The following DMD variants were observed in gnomAD, a reference collection of about 807,000 sequenced individuals.
The protein encoded by DMD is dystrophin.
A neutral mutation model predicts 330.1 loss-of-function variants in DMD; 63 were observed. That is an observed-to-expected ratio of 0.19 (90% confidence interval 0.16 to 0.24). DMD has a LOEUF of 0.24. Among genes scored for constraint, DMD ranks in the 10% least tolerant of loss-of-function variants. The pLI, the probability that DMD is intolerant of heterozygous loss-of-function variation, is 1.00. For synonymous variants in DMD, 1,223 were observed against 959.8 expected (o/e 1.27, Z -5.07); for missense variants, 3,344 against 2,684.1 (o/e 1.25, Z -5.43).
At chrX:32,557,201 A>C in intron 16 of DMD, among the ~76,000 whole-genome samples, 1 of 111,542 alleles carries the variant, frequency 9.0e-6, no homozygotes, top group Non-Finnish European at 1.9e-5. Flanking sequence ...ATATAAATCC[A>C]AGTCTGAATG....
chrX:32,397,167 C>T (rs746940869), intron 30 of DMD, among the ~76,000 whole-genome samples: 4 of 111,492 alleles, frequency 3.6e-5, no homozygotes, highest in Non-Finnish European at 7.6e-5. Flanking sequence ...TACTTGTCTA[C>T]TAGATTTCTA....
At chrX:33,039,726 G>T (rs760942377) in intron 1 of DMD, among the ~76,000 whole-genome samples, 1 of 111,080 alleles carries the variant, frequency 9.0e-6, no homozygotes, top group Non-Finnish European at 1.9e-5. Context: ...TAACTGTAAT[G>T]ATTAACATGT....
intron 23 of DMD, among the ~76,000 whole-genome samples, chrX:32,466,079 TTAAG>T (rs1192153779): frequency 9.0e-6 from 1 of 111,569 alleles, no homozygotes; most frequent in Non-Finnish European, 1.9e-5. Flanking sequence ...TTTTTTCTTA[TTAAG>T]TTTTTATTGT....
At chrX:32,531,050 G>A (rs948791498) in intron 17 of DMD, among the ~76,000 whole-genome samples, 10 of 111,480 alleles carry the variant, frequency 9.0e-5, no homozygotes, top group South Asian at 3.7e-4. Flanking sequence ...GGCTTCTTTC[G>A]TTTTCTTATC....
At chrX:32,361,562 G>GT (rs2097834754) in intron 37 of DMD, among the ~76,000 whole-genome samples, 1 of 111,507 alleles carries the variant, frequency 9.0e-6, no homozygotes. Flanking sequence ...ATTTTGAAGG[G>GT]TAACTGTGTC....
At chrX:31,735,553 G>A (rs970105586) in intron 51 of DMD, among the ~76,000 whole-genome samples, 1 of 112,174 alleles carries the variant, frequency 8.9e-6, no homozygotes, top group East Asian at 2.8e-4. Context: ...TGCAATTCAA[G>A]TAAATATGTA....
At chrX:31,722,817 G>C (rs938013727) in intron 52 of DMD, among the ~76,000 whole-genome samples, 1 of 110,193 alleles carries the variant, frequency 9.1e-6, no homozygotes, top group Non-Finnish European at 1.9e-5. Flanking sequence ...AGGCCGAGGC[G>C]GGTGGATCAC....
At position 32,855,856 on chromosome X, in the gene DMD, C is replaced by T. The variant is rs141482776; in HGVS notation, c.94-6036G>A. Among the ~76,000 whole-genome samples the T allele has an allele frequency of 2.3e-3, 255 of 111,731 alleles. 2 individuals carry two copies. Among genetic ancestry groups the T allele is most frequent in the African/African-American group, 8.1e-3 (248 of 30,789 alleles). Reference sequence around the variant, plus strand: ...AAAAGCTTCTACACAGCAAGGAATACAATCAACAAAGTGAAGACACAACAC... The same window carrying T: ...AAAAGCTTCTACACAGCAAGGAATATAATCAACAAAGTGAAGACACAACAC... On this transcript the variant is annotated intron_variant, in intron 2 of 78. Coordinates refer to ENST00000357033, the MANE Select transcript of DMD (RefSeq NM_004006.3).
intron 1 of DMD, among the ~76,000 whole-genome samples, chrX:33,038,027 T>G (rs779450112): frequency 8.9e-6 from 1 of 112,375 alleles, no homozygotes; most frequent in South Asian, 3.7e-4. Context: ...ACCAAAAGTT[T>G]AAATGCACAA....
chrX:31,436,890 C>T (rs1602837812), intron 60 of DMD, among the ~76,000 whole-genome samples: 1 of 111,828 alleles, frequency 8.9e-6, no homozygotes, highest in African/African-American at 3.2e-5. Context: ...CTTCTGTGAC[C>T]TAACCTTTTC....
intron 44 of DMD, among the ~76,000 whole-genome samples, chrX:32,148,378 A>G (rs2096788570): frequency 9.0e-6 from 1 of 111,545 alleles, no homozygotes; most frequent in Admixed American, 9.6e-5. Flanking sequence ...AAGGAGAATA[A>G]GATTTGTTAA....
At chrX:32,592,325 C>T (rs996889110) in intron 13 of DMD, among the ~76,000 whole-genome samples, 2 of 110,776 alleles carry the variant, frequency 1.8e-5, no homozygotes, top group Non-Finnish European at 3.8e-5. Context: ...TACCTCCTCC[C>T]TTCCGAGCCC....
chrX:32,252,208 C>T (rs1393477816), intron 43 of DMD, among the ~76,000 whole-genome samples: 1 of 110,543 alleles, frequency 9.0e-6, no homozygotes, highest in Admixed American at 9.8e-5. Flanking sequence ...CTACCAACAT[C>T]TCAAGACTTT....
chrX:31,223,607 T>C (rs997316223), intron 63 of DMD, among the ~76,000 whole-genome samples: 3 of 112,029 alleles, frequency 2.7e-5, no homozygotes, highest in Non-Finnish European at 3.8e-5. Flanking sequence ...AACATATACA[T>C]ATATAATCAA....
chrX:32,674,169 G>A (rs1220104259), intron 9 of DMD, among the ~76,000 whole-genome samples: 3 of 111,691 alleles, frequency 2.7e-5, no homozygotes, highest in Non-Finnish European at 5.7e-5. Flanking sequence ...GTTTCAATTT[G>A]GTTTCTTTTA....
At chrX:32,676,518 G>T (rs2061981194) in intron 9 of DMD, among the ~76,000 whole-genome samples, 1 of 111,381 alleles carries the variant, frequency 9.0e-6, no homozygotes, top group African/African-American at 3.3e-5. Flanking sequence ...ATTCTTTTGA[G>T]AATATGATTG....
intron 74 of DMD, among the ~76,000 whole-genome samples, chrX:31,153,612 G>A (rs1013122930): frequency 1.8e-5 from 2 of 112,129 alleles, no homozygotes; most frequent in African/African-American, 6.5e-5. Flanking sequence ...TCAAGCAAGA[G>A]CTAATGTTAT....
chrX:33,032,700 G>C (rs1404118634), intron 1 of DMD, among the ~76,000 whole-genome samples: 2 of 112,317 alleles, frequency 1.8e-5, no homozygotes, highest in Non-Finnish European at 3.8e-5. Context: ...TATTAGCACA[G>C]ACAGAAATCA....
chrX:31,177,991 T>C, intron 70 of DMD, 21 bp from the exon 71 acceptor site: 2 of 1,196,423 alleles, frequency 1.7e-6, no homozygotes, highest in Middle Eastern at 2.3e-4. Flanking sequence ...AAAAATGAGG[T>C]GGTGAAGGAG....
Sources: gnomAD v4.1 joint callset for allele counts (sites outside exome capture counted in the v4.1 genomes callset) on GRCh38, gnomAD v4.1.1 for gene constraint, MANE v1.5 for transcripts, NCBI Gene and HGNC (gene_info 2026-07-23, HGNC 2026-07-21) for gene names.